PKD1L1: variants seen among roughly 807,000 people sequenced by gnomAD.
PKD1L1 encodes polycystin 1 like 1, transient receptor potential channel interacting.
In PKD1L1, 236 loss-of-function variants were observed where a neutral mutation model predicts 323.4. That is an observed-to-expected ratio of 0.73 (90% CI 0.66 to 0.81). The LOEUF is 0.81. Among genes scored for constraint, PKD1L1 ranks in the 40% least tolerant of loss-of-function variants. PKD1L1 has a pLI of 0.00. For synonymous variants in PKD1L1, 1,344 were observed against 1,335.0 expected (o/e 1.01, Z -0.15); for missense variants, 3,320 against 3,508.0 (o/e 0.95, Z 1.35).
intron 49 of PKD1L1, among the ~76,000 whole-genome samples, chr7:47,812,418 A>C (rs547015982): frequency 6.0e-4 from 92 of 152,104 alleles, no homozygotes; most frequent in Non-Finnish European, 1.2e-3. Context: ...TAGAGACCCC[A>C]CTGTTTGGAA....
intron 13 of PKD1L1, among the ~76,000 whole-genome samples, chr7:47,899,800 C>A (rs1040938434): frequency 3.3e-5 from 5 of 151,854 alleles, no homozygotes; most frequent in Non-Finnish European, 7.4e-5. Flanking sequence ...ACTAAAAATA[C>A]AAAAAATTAG....
intron 7 of PKD1L1, among the ~76,000 whole-genome samples, chr7:47,921,441 G>T (rs1787536734): frequency 6.6e-6 from 1 of 152,076 alleles, no homozygotes; most frequent in Non-Finnish European, 1.5e-5. Flanking sequence ...TACTGCTGGT[G>T]GGAATGTAAA....
At chr7:47,907,986 G>T in intron 9 of PKD1L1, 91 bp downstream of exon 9, 1 of 1,263,874 alleles carries the variant, frequency 7.9e-7, no homozygotes. Flanking sequence ...ATTTAGAACT[G>T]CTATAACTTG....
At chr7:47,959,625 G>GC in the PKD1L1 span, among the ~76,000 whole-genome samples, 1 of 116,198 alleles carries the variant, frequency 8.6e-6, no homozygotes, top group East Asian at 2.8e-4. Context: ...CCTCCGCCCG[G>GC]CAGCCACCCC....
In PKD1L1 at chr7:47,818,472, C is replaced by T. The variant is rs73103476; in HGVS notation, c.6965+2604G>A. Among the ~76,000 whole-genome samples the T allele has an allele frequency of 7.0e-3, 1,073 of 152,316 alleles. 4 individuals are homozygous for T. The highest frequency in any genetic ancestry group is 0.011 in the Admixed American group (169 of 15,308). On this transcript the variant is annotated intron_variant, in intron 46 of 56. Transcript: ENST00000289672. ...AGCCATGTTGAGTTTGCACCACTTT[C>T]GGGGAAATGGTATCACTTCTTGACA...
chr7:47,950,867 C>T (rs1269883382), upstream of PKD1L1, among the ~76,000 whole-genome samples: 1 of 152,200 alleles, frequency 6.6e-6, no homozygotes, highest in Admixed American at 6.5e-5. Context: ...GGCAGTGCGG[C>T]CAGCATTGTT....
At position 47,892,395 on chromosome 7, in the gene PKD1L1, A is replaced by T. The variant is rs80037215; in HGVS notation, c.2453+1483T>A. Among the ~76,000 whole-genome samples, 4 of 152,328 alleles carry T rather than the reference A, an allele frequency of 2.6e-5. No individual in the cohort carries two copies. The East Asian group carries it at 7.7e-4, about 29-fold the overall frequency. ...TGCACAGTGAGCTGTGGAGGCAGGA[A>T]GGGACAGCTGAAGCTGCAATGGGTT... is the stretch of plus-strand genomic sequence containing the variant. On this transcript the variant is annotated intron_variant, in intron 15 of 56. Coordinates refer to ENST00000289672, the MANE Select transcript of PKD1L1 (RefSeq NM_138295.5).
At chr7:47,788,577 A>ATATT (rs939251075) in intron 56 of PKD1L1, among the ~76,000 whole-genome samples, 50 of 138,070 alleles carry the variant, frequency 3.6e-4, no homozygotes, top group African/African-American at 1.3e-3. Flanking sequence ...ATATATATAT[A>ATATT]TTTTTTTTTT....
At chr7:47,819,541 G>A (rs957276048) in intron 46 of PKD1L1, 1 of 1,361,680 alleles carries the variant, frequency 7.3e-7, no homozygotes, top group Admixed American at 2.0e-5. Flanking sequence ...CACTTGCACG[G>A]ATAGGAGAGC....
chr7:47,929,081 G>A, intron 7 of PKD1L1, 123 bp downstream of exon 7: 1 of 1,007,454 alleles, frequency 9.9e-7, no homozygotes, highest in Non-Finnish European at 1.5e-6. Context: ...CTTGGAGCCA[G>A]GAAGGTTGGC....
chr7:47,804,678 T>C (rs1784740326), intron 52 of PKD1L1, among the ~76,000 whole-genome samples: 1 of 152,118 alleles, frequency 6.6e-6, no homozygotes, highest in Non-Finnish European at 1.5e-5. Flanking sequence ...AGAGACAGCA[T>C]TTCACCATGT....
chr7:47,806,321 C>G (rs1050433113), intron 52 of PKD1L1, among the ~76,000 whole-genome samples: 9 of 152,222 alleles, frequency 5.9e-5, no homozygotes, highest in African/African-American at 2.2e-4. Flanking sequence ...AAGCTGTGCA[C>G]TGAGAGACAG....
intron 13 of PKD1L1, among the ~76,000 whole-genome samples, chr7:47,901,665 G>A (rs1177865142): frequency 6.6e-6 from 1 of 152,200 alleles, no homozygotes; most frequent in African/African-American, 2.4e-5. Flanking sequence ...TGTGGGGGCC[G>A]GGACCCTTTC....
At chr7:47,845,112 T>C (rs530844041) in intron 32 of PKD1L1, 34 bp from the exon 33 acceptor site, 1 of 1,570,568 alleles carries the variant, frequency 6.4e-7, no homozygotes, top group Admixed American at 1.7e-5. Context: ...ATACAGAATG[T>C]GTGGAGAGAG....
intron 26 of PKD1L1, among the ~76,000 whole-genome samples, chr7:47,864,259 C>T (rs903798151): frequency 6.6e-5 from 10 of 152,100 alleles, no homozygotes; most frequent in African/African-American, 2.4e-4. Context: ...TATGCAGGGG[C>T]TGGAGATTCC....
chr7:47,936,150 TTG>T (rs1205522482), intron 4 of PKD1L1, among the ~76,000 whole-genome samples: 9 of 152,226 alleles, frequency 5.9e-5, no homozygotes, highest in Non-Finnish European at 1.0e-4. Context: ...CCTGGTGCTA[TTG>T]TGTTTTTTTA....
intron 56 of PKD1L1, among the ~76,000 whole-genome samples, chr7:47,781,873 C>T (rs114508443): frequency 2.3e-3 from 350 of 152,048 alleles, no homozygotes; most frequent in African/African-American, 8.1e-3. Flanking sequence ...TTTTTGTTTT[C>T]TTTTGCTTTT....
chr7:47,802,362 T>C (rs942421916), intron 53 of PKD1L1, among the ~76,000 whole-genome samples: 6 of 152,190 alleles, frequency 3.9e-5, no homozygotes, highest in Non-Finnish European at 8.8e-5. Context: ...AAATGGCTGG[T>C]GCTCGCAACA....
chr7:47,898,204 A>G lies in PKD1L1; in HGVS notation c.2065-10T>C. 1 of 1,606,310 alleles carries G rather than the reference A, an allele frequency of 6.2e-7. No homozygotes were observed. The highest frequency in any genetic ancestry group is 8.5e-7 in the Non-Finnish European group (1 of 1,173,512). ...GCTGAGACCTCCATATCTAAGTATC[A>G]AGAAGAGAAGATGTCTCATTAAAAT... On this transcript the variant is annotated splice_polypyrimidine_tract_variant and intron_variant, in intron 13 of 56. Coordinates refer to ENST00000289672, the MANE Select transcript of PKD1L1 (RefSeq NM_138295.5).
Sources: gnomAD v4.1 joint callset for allele counts (sites outside exome capture counted in the v4.1 genomes callset) on GRCh38, gnomAD v4.1.1 for gene constraint, MANE v1.5 for transcripts, NCBI Gene and HGNC (gene_info 2026-07-23, HGNC 2026-07-21) for gene names.